Variants in MEI4 observed in about 807,000 individuals in gnomAD.
The protein encoded by MEI4 is meiotic double-stranded break formation protein 4, also known as meiosis-specific protein MEI4.
A neutral mutation model predicts 31.4 loss-of-function variants in MEI4; 27 were observed. That is an observed-to-expected ratio of 0.86 (90% CI 0.63 to 1.19). The LOEUF (loss-of-function observed/expected upper bound fraction) is 1.19, where lower values mean the gene tolerates loss of function less well. MEI4 is among the 50% of genes most tolerant of loss of function. The pLI, the probability that MEI4 is intolerant of heterozygous loss-of-function variation, is 0.00. For synonymous variants in MEI4, 122 were observed against 145.4 expected (o/e 0.84, Z 1.16); for missense variants, 329 against 398.9 (o/e 0.82, Z 1.49).
chr6:77,698,405 C>T (rs1766114430), intron 2 of MEI4, among the ~76,000 whole-genome samples: 1 of 152,142 alleles, frequency 6.6e-6, no homozygotes, highest in Non-Finnish European at 1.5e-5. Flanking sequence ...GTGGCTGGTA[C>T]CGGTTGTTCC....
intron 4 of MEI4, among the ~76,000 whole-genome samples, chr6:77,911,943 G>C (rs1232295553): frequency 2.0e-5 from 3 of 151,728 alleles, no homozygotes; most frequent in African/African-American, 7.3e-5. Flanking sequence ...CTTTCTTCTA[G>C]TTGTTTCATA....
intron 3 of MEI4, among the ~76,000 whole-genome samples, chr6:77,786,211 G>A (rs1322084025): frequency 6.6e-6 from 1 of 151,930 alleles, no homozygotes; most frequent in East Asian, 1.9e-4. Flanking sequence ...TTTTTGTTGG[G>A]GAAATTACAT....
chr6:77,754,157 TG>T (rs1256705632), intron 2 of MEI4, among the ~76,000 whole-genome samples: 1 of 152,058 alleles, frequency 6.6e-6, no homozygotes. Flanking sequence ...ATGTAGATGA[TG>T]GGTTGATGGG....
chr6:77,715,255 A>G (rs1766553664), intron 2 of MEI4, among the ~76,000 whole-genome samples: 1 of 152,168 alleles, frequency 6.6e-6, no homozygotes, highest in African/African-American at 2.4e-5. Context: ...CTGATTTTGT[A>G]GTGAGTGATG....
chr6:77,848,984 T>C (rs1315496065), intron 4 of MEI4, among the ~76,000 whole-genome samples: 3 of 151,990 alleles, frequency 2.0e-5, no homozygotes, highest in African/African-American at 7.3e-5. Context: ...AGCTGCACTG[T>C]CCAAACCAAA....
chr6:77,691,362 A>G (rs1235913817), intron 2 of MEI4, among the ~76,000 whole-genome samples: 1 of 152,020 alleles, frequency 6.6e-6, no homozygotes, highest in Non-Finnish European at 1.5e-5. Flanking sequence ...TAATTAACCT[A>G]GTTGTGATAC....
intron 2 of MEI4, among the ~76,000 whole-genome samples, chr6:77,723,263 C>T (rs1766754732): frequency 7.1e-6 from 1 of 141,284 alleles, no homozygotes; most frequent in Non-Finnish European, 1.6e-5. Flanking sequence ...GTACATAAAT[C>T]TACTGCTGCA....
intron 2 of MEI4, among the ~76,000 whole-genome samples, chr6:77,728,022 A>C (rs1766870545): frequency 6.6e-6 from 1 of 152,234 alleles, no homozygotes; most frequent in Non-Finnish European, 1.5e-5. Context: ...CACAGTACCT[A>C]GTAAGACGAA....
At chr6:77,650,562 A>G (rs1768282110), upstream of MEI4, among the ~76,000 whole-genome samples, 1 of 152,168 alleles carries the variant, frequency 6.6e-6, no homozygotes, top group Admixed American at 6.5e-5. Flanking sequence ...CTCCCCCGCT[A>G]CAGGAACCCA....
intron 2 of MEI4, among the ~76,000 whole-genome samples, chr6:77,738,431 C>G (rs762463058): frequency 6.6e-6 from 1 of 152,054 alleles, no homozygotes; most frequent in South Asian, 2.1e-4. Context: ...TCTTTTCTTT[C>G]TTTATTAGTC....
chr6:77,834,207 T>C (rs1360323594), intron 4 of MEI4, among the ~76,000 whole-genome samples: 1 of 152,070 alleles, frequency 6.6e-6, no homozygotes, highest in African/African-American at 2.4e-5. Context: ...GGAACATTTA[T>C]TTCTTTCTAT....
At chr6:77,809,020 A>G (rs962184471) in intron 3 of MEI4, among the ~76,000 whole-genome samples, 6 of 152,222 alleles carry the variant, frequency 3.9e-5, no homozygotes, top group African/African-American at 1.4e-4. Flanking sequence ...GCCTGTAGAA[A>G]GTGCTCCATA....
At chr6:77,812,911 T>C (rs1769609008) in intron 3 of MEI4, among the ~76,000 whole-genome samples, 1 of 152,046 alleles carries the variant, frequency 6.6e-6, no homozygotes. Flanking sequence ...GGAAAGGTTA[T>C]TTAAATAATT....
chr6:77,856,669 G>C (rs1770753883), intron 4 of MEI4, among the ~76,000 whole-genome samples: 1 of 152,180 alleles, frequency 6.6e-6, no homozygotes. Flanking sequence ...GCAAGAGCGT[G>C]GCTAAGGCCC....
At chr6:77,810,678 A>G (rs971843620) in intron 3 of MEI4, among the ~76,000 whole-genome samples, 1 of 152,212 alleles carries the variant, frequency 6.6e-6, no homozygotes, top group African/African-American at 2.4e-5. Flanking sequence ...TCTTGCTGTT[A>G]AAGGAAAAAT....
intron 4 of MEI4, among the ~76,000 whole-genome samples, chr6:77,898,197 A>G (rs1766123151): frequency 6.6e-6 from 1 of 152,020 alleles, no homozygotes; most frequent in Non-Finnish European, 1.5e-5. Flanking sequence ...GTTTCAAGCT[A>G]GTTAGTAAAT....
intron 2 of MEI4, among the ~76,000 whole-genome samples, chr6:77,745,826 C>G (rs1293234063): frequency 2.0e-5 from 3 of 152,174 alleles, no homozygotes; most frequent in Non-Finnish European, 4.4e-5. Context: ...TCACTCAAAA[C>G]CGCTCAACTA....
intron 3 of MEI4, among the ~76,000 whole-genome samples, chr6:77,815,800 A>C (rs1372332821): frequency 6.6e-6 from 1 of 152,034 alleles, no homozygotes; most frequent in Non-Finnish European, 1.5e-5. Flanking sequence ...TAGTAATAGC[A>C]GAGGATCACA....
intron 3 of MEI4, among the ~76,000 whole-genome samples, chr6:77,801,824 A>C (rs1326704013): frequency 6.6e-6 from 1 of 152,176 alleles, no homozygotes; most frequent in Non-Finnish European, 1.5e-5. Context: ...GTTTGATTGC[A>C]CTGTGGTCTG....
Sources: gnomAD v4.1 joint callset for allele counts (sites outside exome capture counted in the v4.1 genomes callset) on GRCh38, gnomAD v4.1.1 for gene constraint, MANE v1.5 for transcripts, NCBI Gene and HGNC (gene_info 2026-07-23, HGNC 2026-07-21) for gene names.